Variants in UNC13B observed in about 807,000 individuals in gnomAD.
UNC13B encodes unc-13 homolog B.
UNC13B carries 144 observed loss-of-function variants against 211.0 expected under a neutral mutation model. That is an observed-to-expected ratio of 0.68 (90% CI 0.60 to 0.78). The LOEUF is 0.78. Among genes scored for constraint, UNC13B ranks in the 30% least tolerant of loss-of-function variants. The pLI, the probability that UNC13B is intolerant of heterozygous loss-of-function variation, is 0.00. For synonymous variants in UNC13B, 709 were observed against 725.8 expected, an observed-to-expected ratio of 0.98 and a Z score of 0.37; for missense variants, 1,777 against 2,002.0, an observed-to-expected ratio of 0.89 and a Z score of 2.14.
At chr9:35,226,349 A>T (rs948466795) in intron 1 of UNC13B, among the ~76,000 whole-genome samples, 1 of 152,068 alleles carries the variant, frequency 6.6e-6, no homozygotes, top group Non-Finnish European at 1.5e-5. Context: ...GACAGAACTG[A>T]TAGGGTGTGT....
At position 35,403,585 on chromosome 9, in the gene UNC13B, T is replaced by C; in HGVS notation, c.12723T>C (p.Asn4241=). Residue 4241 remains asparagine, a synonymous_variant, in exon 39 of 40, where the codon AAT becomes AAC. Coordinates refer to ENST00000635942, the MANE Select transcript of UNC13B (RefSeq NM_001371189.2). ...SKSNNWAPKY[N]ETFHFLLGNE... is the part of the protein sequence containing the mutation. ...GCAACAACTGGGCCCCCAAGTACAA[T>C]GAGACATTCCACTTGTAAGTTACGG... 1 of 1,568,342 alleles carries C rather than the reference T, an allele frequency of 6.4e-7. No homozygotes were observed. The highest frequency in any genetic ancestry group is 1.8e-5 in the Admixed American group (1 of 55,670).
At chr9:35,353,778 C>A in intron 11 of UNC13B, 2 of 1,232,024 alleles carry the variant, frequency 1.6e-6, no homozygotes, top group Non-Finnish European at 2.0e-6. Context: ...GTACAGAAGG[C>A]AAACCGTCTC....
intron 8 of UNC13B, among the ~76,000 whole-genome samples, chr9:35,299,767 A>T (rs1434292047): frequency 6.6e-6 from 1 of 152,132 alleles, no homozygotes; most frequent in Non-Finnish European, 1.5e-5. Flanking sequence ...CTTCTCATTG[A>T]ACATGTATTA....
rs975792769 is a variant in UNC13B at position 35,306,271 on chromosome 9, C to T, written c.6867C>T (p.Asn2289=). ...QQMAPCISIN[N]TIEVTSLADE... ...TGGCACCTTGTATTTCCATTAACAACACCATTGAGGTTACCTCCCTTGCAG... is the reference window on the plus strand; with the variant it reads ...TGGCACCTTGTATTTCCATTAACAATACCATTGAGGTTACCTCCCTTGCAG... Residue 2289 remains asparagine, a synonymous_variant, in exon 9 of 40, where the codon AAC becomes AAT. Coordinates refer to ENST00000635942, the MANE Select transcript of UNC13B (RefSeq NM_001371189.2). The T allele has an allele frequency of 2.8e-5, 11 of 398,956 alleles. No individual in the cohort carries two copies. The highest frequency in any genetic ancestry group is 2.2e-4 in the Admixed American group (5 of 22,712). The allele number at this position is 398,956 out of a possible 1,614,324, so 24.7% of individuals were successfully genotyped here. A position where few individuals can be genotyped will look rare whatever the true frequency, so the allele number is the denominator to read the frequency against.
chr9:35,341,884 G>A, intron 11 of UNC13B: 2 of 981,042 alleles, frequency 2.0e-6, no homozygotes, highest in Non-Finnish European at 2.4e-6. Context: ...GAGCTGCCCT[G>A]CTTTCTGCCT....
intron 21 of UNC13B, 95 bp from the exon 22 acceptor site, chr9:35,384,151 C>A: frequency 6.4e-7 from 1 of 1,563,982 alleles, no homozygotes; most frequent in Non-Finnish European, 8.7e-7. Context: ...CCGACTCTTT[C>A]TACTCATCCA....
intron 1 of UNC13B, among the ~76,000 whole-genome samples, chr9:35,186,687 A>C (rs750941010): frequency 5.3e-5 from 8 of 152,076 alleles, no homozygotes; most frequent in Non-Finnish European, 8.8e-5. Flanking sequence ...GCGGTGTCTG[A>C]TTTACATAGG....
intron 1 of UNC13B, among the ~76,000 whole-genome samples, chr9:35,170,964 A>G (rs926186104): frequency 5.9e-5 from 9 of 152,136 alleles, no homozygotes; most frequent in African/African-American, 2.2e-4. Flanking sequence ...TTGTGCAACC[A>G]TACATGGCTA....
chr9:35,281,346 G>A (rs568407839), intron 7 of UNC13B, among the ~76,000 whole-genome samples: 8 of 151,276 alleles, frequency 5.3e-5, no homozygotes, highest in African/African-American at 1.7e-4. Context: ...AACGCTAGGG[G>A]CAGATGTTGC....
At chr9:35,314,098 C>T (rs1830326421) in intron 11 of UNC13B, 109 bp downstream of exon 11, 1 of 891,046 alleles carries the variant, frequency 1.1e-6, no homozygotes, top group Non-Finnish European at 1.9e-6. Context: ...CAGTGTGCTT[C>T]TGGGAATGCA....
chr9:35,167,754 ATTTTT>A (rs765603183), intron 1 of UNC13B, among the ~76,000 whole-genome samples: 2 of 115,684 alleles, frequency 1.7e-5, no homozygotes, highest in African/African-American at 3.3e-5. Context: ...TGCCTGGCTA[ATTTTT>A]TTTTTTTTTT....
At chr9:35,245,202 A>G (rs1018638689) in intron 6 of UNC13B, among the ~76,000 whole-genome samples, 1 of 152,066 alleles carries the variant, frequency 6.6e-6, no homozygotes, top group East Asian at 1.9e-4. Context: ...GTGTCATTAT[A>G]CAGAATCAGA....
intron 20 of UNC13B, 132 bp downstream of exon 20, chr9:35,381,851 G>A (rs774947238): frequency 1.8e-6 from 2 of 1,132,390 alleles, no homozygotes; most frequent in Non-Finnish European, 1.3e-6. Context: ...TCTGAGCTGG[G>A]TGAGATGGGT....
At chr9:35,374,361 G>A (rs1834251877) in intron 13 of UNC13B, among the ~76,000 whole-genome samples, 2 of 100,156 alleles carry the variant, frequency 2.0e-5, no homozygotes, top group Non-Finnish European at 3.6e-5. Flanking sequence ...ATCGGGCCCT[G>A]TGCAAGAGTG....
At chr9:35,348,545 G>A (rs556804207) in intron 11 of UNC13B, among the ~76,000 whole-genome samples, 176 of 152,266 alleles carry the variant, frequency 1.2e-3, no homozygotes, top group Non-Finnish European at 2.2e-3. Context: ...GCAGGAGTCT[G>A]GGGCAGAAGT....
chr9:35,223,898 T>G (rs2131469089), intron 1 of UNC13B, among the ~76,000 whole-genome samples: 1 of 152,346 alleles, frequency 6.6e-6, no homozygotes, highest in East Asian at 1.9e-4. Context: ...CACCATTTAT[T>G]GAAGATATTA....
chr9:35,400,346 G>A lies in UNC13B; in HGVS notation c.12387G>A (p.Lys4129=). The A allele has an allele frequency of 6.2e-7, 1 of 1,614,164 alleles. No homozygotes were observed. The highest frequency in any genetic ancestry group is 1.1e-5 in the South Asian group (1 of 91,078). ...GGCTGAAGAAAACCTTCCTGGAGAA[G>A]AGCCCAGATCTGCAGTCTCTACGCT... ...GNGLKKTFLE[K]SPDLQSLRYA... is the part of the protein sequence containing the mutation. The change falls in exon 37 of 40, where the codon AAG becomes AAA. Residue 4129 remains lysine (K), a synonymous_variant. Coordinates refer to ENST00000635942, the MANE Select transcript of UNC13B (RefSeq NM_001371189.2).
chr9:35,306,475 T>A lies in UNC13B; in HGVS notation c.7071T>A (p.His2357Gln). 2 of 399,034 alleles carry A rather than the reference T, an allele frequency of 5.0e-6. No homozygotes were observed. Among genetic ancestry groups the A allele is most frequent in the Middle Eastern group, 6.3e-4 (1 of 1,588 alleles). 24.7% of individuals were successfully genotyped at this position (399,034 alleles called of 1,614,324 possible). Residue 2357 changes from histidine (H) to glutamine (Q), a missense_variant, in exon 9 of 40, where the codon CAT (histidine) becomes CAA (glutamine). His to Gln is a conservative substitution (Grantham distance 24). Coordinates refer to ENST00000635942, the MANE Select transcript of UNC13B (RefSeq NM_001371189.2). The part of the protein sequence containing the change: ...TGPENLGIAP[H>Q]EEEAFNHKAF... The stretch of plus-strand genomic sequence containing the variant: ...CAGAGAACCTTGGGATAGCTCCCCA[T>A]GAAGAAGAGGCTTTCAACCACAAAG...
chr9:35,216,730 G>A (rs1055711767), intron 1 of UNC13B, among the ~76,000 whole-genome samples: 9 of 151,950 alleles, frequency 5.9e-5, no homozygotes, highest in South Asian at 2.1e-4. Context: ...AAAAGAAAAC[G>A]GAAAATAGAA....
Sources: allele counts gnomAD v4.1 joint callset (sites outside exome capture counted in the v4.1 genomes callset), GRCh38; gene constraint gnomAD v4.1.1; transcripts MANE v1.5; gene names NCBI Gene and HGNC (gene_info 2026-07-23, HGNC 2026-07-21).